RBFOX1: variants seen among roughly 807,000 people sequenced by gnomAD.
RBFOX1 encodes RNA binding fox-1 homolog 1, also known as RNA binding protein fox-1 homolog 1.
Under a neutral mutation model 57.7 loss-of-function variants are expected in RBFOX1, and 8 were observed. The ratio of observed to expected loss-of-function variants is 0.14; its 90% CI spans 0.08 to 0.25. The LOEUF (loss-of-function observed/expected upper bound fraction) is 0.25, where lower values mean the gene tolerates loss of function less well. Ranked by LOEUF, RBFOX1 falls within the 10% of genes least tolerant of loss-of-function variation. The pLI, the probability that RBFOX1 is intolerant of heterozygous loss-of-function variation, is 1.00. For missense variants in RBFOX1, 611 were observed against 548.5 expected, an observed-to-expected ratio of 1.11 and a Z score of -1.14; for synonymous variants, 326 against 222.4, an observed-to-expected ratio of 1.47 and a Z score of -4.15.
At chr16:7,608,175 G>A (rs909712030) in intron 10 of RBFOX1, among the ~76,000 whole-genome samples, 5 of 152,086 alleles carry the variant, frequency 3.3e-5, no homozygotes, top group African/African-American at 7.2e-5. Flanking sequence ...TAAATAATCC[G>A]TTGACCTAGA....
chr16:7,629,219 G>A (rs1419007744), intron 10 of RBFOX1, among the ~76,000 whole-genome samples: 2 of 152,104 alleles, frequency 1.3e-5, no homozygotes, highest in Admixed American at 6.5e-5. Flanking sequence ...AGAGTGAGAT[G>A]GGTTAGAAAG....
intron 1 of RBFOX1, among the ~76,000 whole-genome samples, chr16:6,036,328 C>A (rs990357652): frequency 2.0e-5 from 3 of 152,122 alleles, no homozygotes; most frequent in Non-Finnish European, 4.4e-5. Context: ...GAAGGCAACA[C>A]AGGTTTCAGA....
At chr16:7,692,880 CTTT>C (rs926338985) in intron 14 of RBFOX1, among the ~76,000 whole-genome samples, 2 of 106,786 alleles carry the variant, frequency 1.9e-5, no homozygotes, top group Non-Finnish European at 4.2e-5. Flanking sequence ...AATGACAGCA[CTTT>C]TTCTTATTTT....
At chr16:6,591,796 G>C (rs1177479728) in intron 2 of RBFOX1, among the ~76,000 whole-genome samples, 1 of 152,114 alleles carries the variant, frequency 6.6e-6, no homozygotes, top group Non-Finnish European at 1.5e-5. Context: ...CATTTTAAAC[G>C]CACTAACAAA....
At chr16:5,412,309 C>T (rs2067043165) in intron 1 of RBFOX1, among the ~76,000 whole-genome samples, 1 of 152,228 alleles carries the variant, frequency 6.6e-6, no homozygotes, top group South Asian at 2.1e-4. Context: ...GGTGAAACAA[C>T]ACCTGTAAAA....
At chr16:6,121,581 C>T (rs949830007) in intron 1 of RBFOX1, among the ~76,000 whole-genome samples, 2 of 152,184 alleles carry the variant, frequency 1.3e-5, no homozygotes, top group African/African-American at 2.4e-5. Flanking sequence ...TACACTGTGC[C>T]TGCCTTGTCT....
At chr16:6,653,918 G>A (rs746785992) in intron 2 of RBFOX1, among the ~76,000 whole-genome samples, 22 of 151,066 alleles carry the variant, frequency 1.5e-4, no homozygotes, top group Non-Finnish European at 2.7e-4. Flanking sequence ...GTGGATGGGC[G>A]AGTGTGTAGA....
intron 4 of RBFOX1, among the ~76,000 whole-genome samples, chr16:7,450,750 TG>T (rs2098845699): frequency 6.6e-6 from 1 of 151,794 alleles, no homozygotes; most frequent in South Asian, 2.1e-4. Context: ...GGTTGCTGAG[TG>T]GGTGTTGAGG....
At chr16:5,894,891 A>T (rs1379620727) in intron 4 of RBFOX1, among the ~76,000 whole-genome samples, 1 of 138,458 alleles carries the variant, frequency 7.2e-6, no homozygotes, top group East Asian at 2.3e-4. Flanking sequence ...GCATGGTGGC[A>T]GGTGCCTGTA....
At chr16:7,164,480 C>T (rs2079026114) in intron 4 of RBFOX1, among the ~76,000 whole-genome samples, 1 of 152,068 alleles carries the variant, frequency 6.6e-6, no homozygotes, top group African/African-American at 2.4e-5. Flanking sequence ...GGTGAATAGC[C>T]AGTAGTGGGA....
chr16:5,283,976 A>G (rs773334857), intron 1 of RBFOX1, among the ~76,000 whole-genome samples: 27 of 152,124 alleles, frequency 1.8e-4, no homozygotes, highest in Non-Finnish European at 3.2e-4. Context: ...CTCATCTTGA[A>G]TTCCCACATG....
chr16:7,562,207 C>T (rs140672928), intron 5 of RBFOX1, among the ~76,000 whole-genome samples: 66 of 152,304 alleles, frequency 4.3e-4, no homozygotes, highest in African/African-American at 1.6e-3. Context: ...TGTCATGGCA[C>T]AGAGCTGTGT....
intron 3 of RBFOX1, among the ~76,000 whole-genome samples, chr16:6,898,308 C>G (rs1160773638): frequency 1.3e-5 from 2 of 152,110 alleles, no homozygotes; most frequent in South Asian, 2.1e-4. Flanking sequence ...CACGACCTCT[C>G]AGAGCATAGC....
At chr16:7,434,797 T>C (rs2098709266) in intron 4 of RBFOX1, among the ~76,000 whole-genome samples, 1 of 151,502 alleles carries the variant, frequency 6.6e-6, no homozygotes, top group African/African-American at 2.4e-5. Flanking sequence ...TGGAGTGCAG[T>C]GGTGTGATCT....
At chr16:7,193,751 G>A (rs1602520159) in intron 4 of RBFOX1, among the ~76,000 whole-genome samples, 1 of 152,182 alleles carries the variant, frequency 6.6e-6, no homozygotes, top group African/African-American at 2.4e-5. Context: ...AGCAACCATG[G>A]TAGACAGCTC....
At chr16:5,886,239 G>A (rs117298446) in intron 4 of RBFOX1, among the ~76,000 whole-genome samples, 2 of 152,050 alleles carry the variant, frequency 1.3e-5, no homozygotes, top group Admixed American at 6.6e-5. Flanking sequence ...GACTAATACC[G>A]TTACCTTGGA....
intron 2 of RBFOX1, among the ~76,000 whole-genome samples, chr16:6,456,668 G>C (rs1422927964): frequency 6.6e-6 from 1 of 152,212 alleles, no homozygotes; most frequent in Non-Finnish European, 1.5e-5. Flanking sequence ...ACATCAGTTA[G>C]AGGGCGGTTG....
chr16:5,701,926 A>G (rs558595097), intron 3 of RBFOX1, among the ~76,000 whole-genome samples: 8 of 152,226 alleles, frequency 5.3e-5, no homozygotes, highest in Non-Finnish European at 1.2e-4. Flanking sequence ...TCCACACAGT[A>G]TAAACTCTAG....
intron 3 of RBFOX1, chr16:6,775,626 C>G (rs1156892038): frequency 2.0e-5 from 3 of 152,272 alleles, no homozygotes; most frequent in Non-Finnish European, 4.4e-5. Context: ...AGCCCTCTCC[C>G]TCTCTCTGTC....
Sources: gnomAD v4.1 joint callset for allele counts (sites outside exome capture counted in the v4.1 genomes callset) on GRCh38, gnomAD v4.1.1 for gene constraint, MANE v1.5 for transcripts, NCBI Gene and HGNC (gene_info 2026-07-23, HGNC 2026-07-21) for gene names.